The following MAGI2 variants were observed in gnomAD, a reference collection of about 807,000 sequenced individuals.
MAGI2 encodes membrane associated guanylate kinase, WW and PDZ domain containing 2.
In MAGI2, 35 loss-of-function variants were observed where a neutral mutation model predicts 133.3. The observed-to-expected ratio is 0.26, with a 90% confidence interval of 0.20 to 0.35. The LOEUF is 0.35. MAGI2 is among the 10% of genes least tolerant of loss of function. The probability of loss-of-function intolerance (pLI) is 1.00; values close to 1 mark genes in which losing one functional copy is unlikely to be tolerated. For missense variants in MAGI2, 1,636 were observed against 1,863.4 expected, an observed-to-expected ratio of 0.88 and a Z score of 2.25; for synonymous variants, 729 against 710.6, an observed-to-expected ratio of 1.03 and a Z score of -0.41.
At chr7:78,745,210 T>C (rs1399178929) in intron 2 of MAGI2, among the ~76,000 whole-genome samples, 2 of 152,238 alleles carry the variant, frequency 1.3e-5, no homozygotes, top group East Asian at 3.8e-4. Context: ...AGCCTCATTT[T>C]ACATATAAAA....
At chr7:78,620,012 T>G (rs760875430) in intron 3 of MAGI2, among the ~76,000 whole-genome samples, 3 of 151,900 alleles carry the variant, frequency 2.0e-5, no homozygotes, top group Non-Finnish European at 4.4e-5. Context: ...CCTTTTAACT[T>G]TAAGTGCCAA....
chr7:78,649,786 G>A (rs1328380180), intron 2 of MAGI2, among the ~76,000 whole-genome samples: 4 of 152,014 alleles, frequency 2.6e-5, no homozygotes, highest in African/African-American at 9.7e-5. Context: ...TGAGCTTCTG[G>A]GTTAGGTAAG....
At chr7:79,080,702 A>G (rs1260999849) in intron 1 of MAGI2, among the ~76,000 whole-genome samples, 6 of 152,084 alleles carry the variant, frequency 3.9e-5, no homozygotes, top group African/African-American at 1.4e-4. Context: ...GCTATTACAT[A>G]AGACAGGTAC....
intron 6 of MAGI2, among the ~76,000 whole-genome samples, chr7:78,397,032 C>CTATAAAATGGA (rs1796408559): frequency 6.6e-6 from 1 of 151,918 alleles, no homozygotes; most frequent in African/African-American, 2.4e-5. Context: ...CCTGATAACT[C>CTATAAAATGGA]TATAAAATGG....
intron 1 of MAGI2, among the ~76,000 whole-genome samples, chr7:79,390,987 T>C (rs1427030466): frequency 2.6e-5 from 4 of 152,260 alleles, no homozygotes; most frequent in African/African-American, 4.8e-5. Flanking sequence ...ATCTGTCAAA[T>C]ATCTTACTCT....
chr7:78,241,063 G>T (rs1295885271), intron 10 of MAGI2, among the ~76,000 whole-genome samples: 3 of 151,850 alleles, frequency 2.0e-5, no homozygotes, highest in African/African-American at 7.3e-5. Flanking sequence ...CAAACTTCTT[G>T]AGGCAGGGAC....
intron 12 of MAGI2, among the ~76,000 whole-genome samples, chr7:78,190,117 A>G (rs1294142337): frequency 6.6e-6 from 1 of 152,232 alleles, no homozygotes; most frequent in Non-Finnish European, 1.5e-5. Context: ...ATATTAAGAA[A>G]GAAGACTCCA....
intron 3 of MAGI2, among the ~76,000 whole-genome samples, chr7:78,538,493 T>A (rs1016878673): frequency 2.6e-5 from 4 of 152,236 alleles, no homozygotes; most frequent in African/African-American, 9.6e-5. Context: ...GTGTTGTCCA[T>A]GAGTTATTTC....
chr7:79,088,952 A>C (rs113300849), intron 1 of MAGI2, among the ~76,000 whole-genome samples: 2,475 of 152,190 alleles, frequency 0.016, 24 homozygotes, highest in Non-Finnish European at 0.024. Flanking sequence ...GACAAAGGGG[A>C]TATAATTAAA....
At chr7:78,671,980 T>C (rs1814443487) in intron 2 of MAGI2, among the ~76,000 whole-genome samples, 1 of 152,190 alleles carries the variant, frequency 6.6e-6, no homozygotes, top group African/African-American at 2.4e-5. Flanking sequence ...ATTCTAATTG[T>C]TTTTAAGTGC....
chr7:78,683,808 G>A (rs1181992885), intron 2 of MAGI2, among the ~76,000 whole-genome samples: 1 of 152,100 alleles, frequency 6.6e-6, no homozygotes, highest in African/African-American at 2.4e-5. Flanking sequence ...GGCTGTTACT[G>A]AATACTAACG....
At chr7:78,053,629 G>A (rs531824779) in intron 21 of MAGI2, among the ~76,000 whole-genome samples, 10 of 152,282 alleles carry the variant, frequency 6.6e-5, no homozygotes, top group African/African-American at 2.4e-4. Flanking sequence ...TGAGGTCTCT[G>A]GCAGGACCAG....
chr7:78,778,704 G>A (rs1040584506), intron 2 of MAGI2, among the ~76,000 whole-genome samples: 1 of 152,108 alleles, frequency 6.6e-6, no homozygotes, highest in Non-Finnish European at 1.5e-5. Flanking sequence ...CCTTAGTTTT[G>A]AATCAAATTC....
At chr7:79,169,814 T>C (rs1328302427) in intron 1 of MAGI2, among the ~76,000 whole-genome samples, 1 of 152,110 alleles carries the variant, frequency 6.6e-6, no homozygotes, top group East Asian at 1.9e-4. Context: ...CCTGTAGCTG[T>C]TCAATTTAAT....
rs750976702 is a variant in MAGI2, at chr7:78,180,735, A to G, written c.2312-2633T>C. 3.6e-4 allele frequency among the ~76,000 whole-genome samples: 51 copies of G among 141,982 alleles called. 1 individual carries two copies. Among genetic ancestry groups the G allele is most frequent in the Non-Finnish European group, 8.0e-5 (5 of 62,608 alleles). The allele number at this position is 141,982 out of a possible 152,430, so 93.1% of individuals were successfully genotyped here. The stretch of plus-strand genomic sequence containing the variant: ...CTTCCCAGCAGGGGTGGCCAGCTTC[A>G]TGGTTCATGAGCAGGAAACAGAGGC... On this transcript the variant is annotated intron_variant, in intron 13 of 21. Coordinates refer to ENST00000354212, the MANE Select transcript of MAGI2 (RefSeq NM_012301.4).
chr7:78,382,120 GAAGA>G (rs1273455851), intron 6 of MAGI2, among the ~76,000 whole-genome samples: 2 of 152,098 alleles, frequency 1.3e-5, no homozygotes, highest in Admixed American at 1.3e-4. Context: ...TAAAATCTGT[GAAGA>G]AAGTCTCTAT....
At chr7:78,388,682 T>C (rs904366738) in intron 6 of MAGI2, among the ~76,000 whole-genome samples, 3 of 152,116 alleles carry the variant, frequency 2.0e-5, no homozygotes, top group Non-Finnish European at 4.4e-5. Flanking sequence ...CACTGACTAG[T>C]ACAAAGGGAT....
intron 3 of MAGI2, among the ~76,000 whole-genome samples, chr7:78,563,321 C>T (rs1027835604): frequency 6.6e-5 from 10 of 152,156 alleles, no homozygotes; most frequent in Non-Finnish European, 1.0e-4. Flanking sequence ...AGGACTGCTT[C>T]GCAGAGACCA....
At chr7:78,918,747 T>C (rs1320826844) in intron 2 of MAGI2, among the ~76,000 whole-genome samples, 1 of 152,142 alleles carries the variant, frequency 6.6e-6, no homozygotes, top group African/African-American at 2.4e-5. Context: ...TAATTATTAA[T>C]TACTGAGATT....
Sources: gnomAD v4.1 joint callset for allele counts (sites outside exome capture counted in the v4.1 genomes callset) on GRCh38, gnomAD v4.1.1 for gene constraint, MANE v1.5 for transcripts, NCBI Gene and HGNC (gene_info 2026-07-23, HGNC 2026-07-21) for gene names.